The following IGSF10 variants were observed in gnomAD, a reference collection of about 807,000 sequenced individuals.
IGSF10 encodes the protein calvaria mechanical force protein 608.
Under a neutral mutation model 128.2 loss-of-function variants are expected in IGSF10, and 126 were observed. The observed-to-expected ratio is 0.98, with a 90% CI of 0.85 to 1.14. The LOEUF is 1.14. IGSF10 is among the 50% of genes most tolerant of loss of function. The pLI is 0.00. For synonymous variants in IGSF10, 1,185 were observed against 1,146.2 expected (o/e 1.03, Z -0.68); for missense variants, 3,295 against 3,149.8 (o/e 1.05, Z -1.10).
At position 151,447,551 on chromosome 3, in the gene IGSF10, G is replaced by A. The variant is rs1721268931; in HGVS notation, c.2430C>T (p.Ala810=). The A allele has an allele frequency of 1.2e-6, 2 of 1,613,986 alleles. No homozygotes were observed. Among genetic ancestry groups the A allele is most frequent in the South Asian group, 2.2e-5 (2 of 91,088 alleles). Residue 810 remains alanine (A), a synonymous_variant, in exon 6 of 8, where the codon GCC becomes GCT. Coordinates refer to ENST00000282466, the MANE Select transcript of IGSF10 (RefSeq NM_178822.5). ...LALHEEFMVP[A]TKALNLPART... ...TTGCTGGAAGGTTCAAAGCTTTAGT[G>A]GCCGGGACCATAAATTCCTCATGTA... is the stretch of plus-strand genomic sequence containing the variant.
chr3:151,513,517 T>C, the IGSF10 span, among the ~76,000 whole-genome samples: 1 of 152,058 alleles, frequency 6.6e-6, no homozygotes, highest in Admixed American at 6.6e-5. Context: ...AATATCATAC[T>C]TGAATGGGCA....
At chr3:151,481,340 C>T in the IGSF10 span, among the ~76,000 whole-genome samples, 3 of 152,194 alleles carry the variant, frequency 2.0e-5, no homozygotes, top group South Asian at 2.1e-4. Flanking sequence ...GTTCCCTACC[C>T]GCAGGGTCCA....
the IGSF10 span, among the ~76,000 whole-genome samples, chr3:151,593,675 A>T: frequency 6.6e-6 from 1 of 152,134 alleles, no homozygotes; most frequent in Non-Finnish European, 1.5e-5. Context: ...GAGGAAGACA[A>T]AGAAAAAAAT....
chr3:151,455,266 C>T (rs547430574), intron 4 of IGSF10, among the ~76,000 whole-genome samples: 11 of 151,882 alleles, frequency 7.2e-5, no homozygotes, highest in East Asian at 5.9e-4. Flanking sequence ...TGTGCCACCA[C>T]GCCTGGCTAA....
chr3:151,617,296 TTCTTCTTCTTCTTCTTCTTCTTCC>T, the IGSF10 span, among the ~76,000 whole-genome samples: 63 of 130,998 alleles, frequency 4.8e-4, 2 homozygotes, highest in African/African-American at 1.8e-3. Flanking sequence ...CTTCTTCTTC[TTCTTCTTCTTCTTCTTCTTCTTCC>T]CCTCCTCCTC....
chr3:151,591,876 A>G, the IGSF10 span, among the ~76,000 whole-genome samples: 2 of 152,198 alleles, frequency 1.3e-5, no homozygotes, highest in Non-Finnish European at 2.9e-5. Flanking sequence ...ATAAAAACAC[A>G]TCTTTCTCTT....
rs1721608298 is a variant in IGSF10, at chr3:151,453,394, C to T, written c.705G>A (p.Gln235=). 1 of 1,595,636 alleles carries T rather than the reference C, an allele frequency of 6.3e-7. No individual in the cohort carries two copies. Among genetic ancestry groups the T allele is most frequent in the African/African-American group, 1.4e-5 (1 of 73,690 alleles). ...CHLKWLSDWI[Q]EKPDVIKCKK... ...AAACAATATAGATACCTGGCTTCTC[C>T]TGTATCCAGTCAGACAACCACTTTA... The change falls in exon 5 of 8, where the codon CAG becomes CAA. Residue 235 remains glutamine, a synonymous_variant. Transcript: ENST00000282466.
the IGSF10 span, among the ~76,000 whole-genome samples, chr3:151,510,967 A>G: frequency 6.6e-6 from 1 of 152,240 alleles, no homozygotes; most frequent in Non-Finnish European, 1.5e-5. Context: ...GACTATGTGA[A>G]AAGACCAAAT....
At chr3:151,493,762 T>C in the IGSF10 span, among the ~76,000 whole-genome samples, 1 of 152,138 alleles carries the variant, frequency 6.6e-6, no homozygotes, top group Non-Finnish European at 1.5e-5. Flanking sequence ...GACACATGAC[T>C]GTATATGTAT....
chr3:151,452,369 A>T (rs1721551416), intron 5 of IGSF10, among the ~76,000 whole-genome samples: 1 of 152,202 alleles, frequency 6.6e-6, no homozygotes, highest in South Asian at 2.1e-4. Context: ...ACAGACCCAT[A>T]CAGTGTATTA....
chr3:151,542,313 C>T, the IGSF10 span, among the ~76,000 whole-genome samples: 4 of 152,000 alleles, frequency 2.6e-5, no homozygotes, highest in Non-Finnish European at 4.4e-5. Flanking sequence ...TAATTTTTTA[C>T]TGTATTTTCT....
At position 151,447,717 on chromosome 3, in the gene IGSF10, T is replaced by C; in HGVS notation, c.2264A>G (p.His755Arg). ...PPSARRIDPQ[H>R]WAALLEKAKK... ...AGCTTTCTCCAACAGTGCCGCCCAA[T>C]GTTGTGGGTCAATTCTCCTAGCAGA... Residue 755 changes from histidine (H) to arginine (R), a missense_variant, in exon 6 of 8, where the codon CAT becomes CGT. Coordinates refer to ENST00000282466, the MANE Select transcript of IGSF10 (RefSeq NM_178822.5). The C allele has an allele frequency of 1.2e-6, 2 of 1,614,142 alleles. No homozygotes were observed. The highest frequency in any genetic ancestry group is 1.6e-4 in the Middle Eastern group (1 of 6,062).
chr3:151,524,444 G>T, the IGSF10 span, among the ~76,000 whole-genome samples: 1 of 152,180 alleles, frequency 6.6e-6, no homozygotes, highest in Non-Finnish European at 1.5e-5. Flanking sequence ...ATCCTATGCA[G>T]CCATAAAAAA....
rs1345845321 is a variant in IGSF10, at chr3:151,438,110, TGTTG to T, written c.6447_6450del (p.Asn2150ArgfsTer32). 3.7e-6 allele frequency: 6 copies of T among 1,614,072 alleles called. No individual in the cohort carries two copies. In the African/African-American group the frequency reaches 8.0e-5, roughly 22 times the overall value. ...GCTGTGTCTCCAGCTTTGATTCTCT[TGTTG>T]GTTTTGTTACTCTGCCTTATCCGGG... On this transcript the variant is annotated frameshift_variant, in exon 8 of 8. Coordinates refer to ENST00000282466, the MANE Select transcript of IGSF10 (RefSeq NM_178822.5). LOFTEE classifies it low-confidence loss of function (END_TRUNC).
At chr3:151,554,732 T>C in the IGSF10 span, among the ~76,000 whole-genome samples, 3 of 152,184 alleles carry the variant, frequency 2.0e-5, no homozygotes, top group African/African-American at 7.2e-5. Context: ...GTTGAGACCT[T>C]ATTTCCTCAG....
chr3:151,528,800 G>T, the IGSF10 span, among the ~76,000 whole-genome samples: 2 of 146,264 alleles, frequency 1.4e-5, no homozygotes, highest in African/African-American at 2.5e-5. Context: ...AGCTGCAGGA[G>T]TTTTTTTTTT....
chr3:151,550,370 G>A, the IGSF10 span, among the ~76,000 whole-genome samples: 6 of 152,026 alleles, frequency 3.9e-5, no homozygotes, highest in African/African-American at 1.2e-4. Flanking sequence ...ATCTTTAATT[G>A]AGAATTTATT....
At chr3:151,467,819 G>A in the IGSF10 span, among the ~76,000 whole-genome samples, 1 of 151,612 alleles carries the variant, frequency 6.6e-6, no homozygotes, top group East Asian at 1.9e-4. Flanking sequence ...CGGGGTCAGA[G>A]CCTGCAGTGA....
chr3:151,595,367 C>A, the IGSF10 span, among the ~76,000 whole-genome samples: 15 of 151,922 alleles, frequency 9.9e-5, no homozygotes, highest in Admixed American at 8.5e-4. Context: ...ATGAAAGCAA[C>A]CTAAGTGTCC....
Sources: gnomAD v4.1 joint callset for allele counts (sites outside exome capture counted in the v4.1 genomes callset) on GRCh38, gnomAD v4.1.1 for gene constraint, MANE v1.5 for transcripts, NCBI Gene and HGNC (gene_info 2026-07-23, HGNC 2026-07-21) for gene names.